CAMTA1: variants seen among roughly 807,000 people sequenced by gnomAD.
The protein encoded by CAMTA1 is calmodulin-binding transcription activator 1.
Under a neutral mutation model 170.9 loss-of-function variants are expected in CAMTA1, and 27 were observed. That is an observed-to-expected ratio of 0.16 (90% CI 0.12 to 0.22). The LOEUF (loss-of-function observed/expected upper bound fraction) is 0.22, where lower values mean the gene tolerates loss of function less well. CAMTA1 is among the 10% of genes least tolerant of loss of function. CAMTA1 has a pLI of 1.00. For synonymous variants in CAMTA1, 833 were observed against 891.5 expected (o/e 0.93, Z 1.17); for missense variants, 1,619 against 2,217.2 (o/e 0.73, Z 5.42).
At chr1:7,489,522 G>GT (rs1254092552) in intron 6 of CAMTA1, among the ~76,000 whole-genome samples, 2 of 152,180 alleles carry the variant, frequency 1.3e-5, no homozygotes, top group Non-Finnish European at 2.9e-5. Context: ...ATCCATGCGT[G>GT]TTAGGGGTCA....
intron 5 of CAMTA1, among the ~76,000 whole-genome samples, chr1:7,406,394 A>C (rs899641699): frequency 6.6e-6 from 1 of 152,224 alleles, no homozygotes; most frequent in Non-Finnish European, 1.5e-5. Context: ...GCCAGAAGCC[A>C]CTATGCAGGG....
intron 3 of CAMTA1, among the ~76,000 whole-genome samples, chr1:7,084,501 C>T (rs1640456959): frequency 6.6e-6 from 1 of 152,166 alleles, no homozygotes; most frequent in Non-Finnish European, 1.5e-5. Context: ...TCCAGCCCCT[C>T]TGAGAATTGC....
At chr1:7,270,291 ATT>A (rs34768255) in intron 5 of CAMTA1, among the ~76,000 whole-genome samples, 19,308 of 110,244 alleles carry the variant, frequency 0.18, 1,600 homozygotes, top group South Asian at 0.24. Flanking sequence ...ATATATATAT[ATT>A]TTTTTTTTTT....
intron 4 of CAMTA1, among the ~76,000 whole-genome samples, chr1:7,125,315 C>T (rs1644868295): frequency 6.6e-6 from 1 of 152,204 alleles, no homozygotes; most frequent in Admixed American, 6.5e-5. Flanking sequence ...CTCACTCCCT[C>T]ATTCATCCAT....
At chr1:7,166,320 C>T (rs554671249) in intron 4 of CAMTA1, among the ~76,000 whole-genome samples, 1 of 152,352 alleles carries the variant, frequency 6.6e-6, no homozygotes, top group African/African-American at 2.4e-5. Context: ...CCTGCCTCAG[C>T]CTCCCAAAGT....
intron 1 of CAMTA1, among the ~76,000 whole-genome samples, chr1:6,805,442 T>C (rs1644400933): frequency 6.6e-6 from 1 of 152,252 alleles, no homozygotes; most frequent in South Asian, 2.1e-4. Context: ...TTATCAGATA[T>C]GTGATTTCAA....
Position 7,758,731 on chromosome 1 carries a change from C to T in CAMTA1, c.4989+3063C>T, listed in dbSNP as rs186579910. Among the ~76,000 whole-genome samples, 307 of 151,996 alleles carry T rather than the reference C, an allele frequency of 2.0e-3. 2 individuals carry two copies. The highest frequency in any genetic ancestry group is 7.2e-3 in the African/African-American group (298 of 41,502). On this transcript the variant is annotated intron_variant, in intron 22 of 22. Transcript: ENST00000303635. ...CGGGCGGATCACGAGGTCAGGAGAT[C>T]GAGACCATCCTGGCTAACATGGTGA...
chr1:7,620,139 G>T (rs2095587611), intron 6 of CAMTA1, among the ~76,000 whole-genome samples: 1 of 152,194 alleles, frequency 6.6e-6, no homozygotes, highest in Non-Finnish European at 1.5e-5. Flanking sequence ...GGTACCAGGA[G>T]AGTGAGTGGA....
At position 7,503,642 on chromosome 1, in the gene CAMTA1, G is replaced by A. The variant is rs192197216; in HGVS notation, c.510+35741G>A. Among the ~76,000 whole-genome samples, 261 of 152,336 alleles carry A rather than the reference G, an allele frequency of 1.7e-3. 2 individuals carry two copies. The highest frequency in any genetic ancestry group is 5.8e-3 in the African/African-American group (243 of 41,582). On this transcript the variant is annotated intron_variant, in intron 6 of 22. Transcript: ENST00000303635. ...GCTGCTTCATAAGACGCCTGGTGGT[G>A]AGTAAAACCCCAAGTCTAGGGCACC... is the stretch of plus-strand genomic sequence containing the variant.
At chr1:7,683,169 G>A (rs1439472608) in intron 11 of CAMTA1, among the ~76,000 whole-genome samples, 1 of 139,104 alleles carries the variant, frequency 7.2e-6, no homozygotes, top group African/African-American at 2.7e-5. Flanking sequence ...GTGACAGAGC[G>A]AGACTCTGTC....
chr1:7,408,941 T>C (rs1025904816), intron 5 of CAMTA1, among the ~76,000 whole-genome samples: 2 of 152,210 alleles, frequency 1.3e-5, no homozygotes, highest in Admixed American at 6.5e-5. Context: ...CCAACCTCCC[T>C]GCCCATATGA....
intron 5 of CAMTA1, among the ~76,000 whole-genome samples, chr1:7,401,269 C>T (rs568196344): frequency 1.3e-5 from 2 of 152,282 alleles, no homozygotes; most frequent in South Asian, 4.1e-4. Flanking sequence ...AAATGACTGT[C>T]CTTTTTCCAT....
At chr1:7,666,974 C>T (rs988449737) in intron 9 of CAMTA1, among the ~76,000 whole-genome samples, 7 of 152,098 alleles carry the variant, frequency 4.6e-5, no homozygotes, top group South Asian at 2.1e-4. Flanking sequence ...CTGAAACCTC[C>T]GCCTCCCAGG....
intron 6 of CAMTA1, among the ~76,000 whole-genome samples, chr1:7,551,525 C>T (rs1164922666): frequency 6.6e-6 from 1 of 152,216 alleles, no homozygotes; most frequent in Non-Finnish European, 1.5e-5. Context: ...TTCCAGGCAA[C>T]TTCCTGTGTC....
intron 3 of CAMTA1, among the ~76,000 whole-genome samples, chr1:6,893,405 G>A (rs1288046008): frequency 2.0e-5 from 3 of 152,240 alleles, no homozygotes; most frequent in African/African-American, 7.2e-5. Context: ...CTCCCTTGCA[G>A]CAGTTTCAGA....
chr1:7,506,140 C>T (rs2094105345), intron 6 of CAMTA1, among the ~76,000 whole-genome samples: 1 of 152,170 alleles, frequency 6.6e-6, no homozygotes, highest in Non-Finnish European at 1.5e-5. Flanking sequence ...CCCTCTATAA[C>T]CTCGCTGTGG....
chr1:7,769,046 C>T lies in CAMTA1; in HGVS notation c.*2555C>T, dbSNP rs565898541. The stretch of plus-strand genomic sequence containing the variant: ...CACATGTTACATTATTAGCTGAATA[C>T]GTTAGAAAATGACAGATGGTAGAGA... On this transcript the variant is annotated 3_prime_UTR_variant, in exon 23 of 23. Transcript: ENST00000303635. The T allele has an allele frequency of 7.9e-5, 12 of 152,220 alleles. No homozygotes were observed. Among genetic ancestry groups the T allele is most frequent in the South Asian group, 2.1e-4 (1 of 4,802 alleles). The allele number at this position is 152,220 out of a possible 1,614,324, so 9.4% of individuals were successfully genotyped here. A position where few individuals can be genotyped will look rare whatever the true frequency, so the allele number is the denominator to read the frequency against.
intron 6 of CAMTA1, among the ~76,000 whole-genome samples, chr1:7,513,948 TACAC>T (rs368936948): frequency 6.7e-5 from 10 of 150,138 alleles, no homozygotes; most frequent in Admixed American, 1.3e-4. Flanking sequence ...CACACACACA[TACAC>T]ACACACACAC....
chr1:6,835,560 TC>T (rs1652669930), intron 3 of CAMTA1, among the ~76,000 whole-genome samples: 1 of 152,230 alleles, frequency 6.6e-6, no homozygotes, highest in Non-Finnish European at 1.5e-5. Flanking sequence ...GAGTTTCTGT[TC>T]CAGTAGGTCC....
Sources: gnomAD v4.1 joint callset for allele counts (sites outside exome capture counted in the v4.1 genomes callset) on GRCh38, gnomAD v4.1.1 for gene constraint, MANE v1.5 for transcripts, NCBI Gene and HGNC (gene_info 2026-07-23, HGNC 2026-07-21) for gene names.